Variants in STPG2 observed in about 807,000 individuals in gnomAD.
The protein encoded by STPG2 is sperm tail PG-rich repeat containing 2, also known as sperm-tail PG-rich repeat-containing protein 2.
In STPG2, 56 loss-of-function variants were observed where a neutral mutation model predicts 54.2. The observed-to-expected ratio is 1.03, with a 90% CI of 0.83 to 1.29. STPG2 has a LOEUF of 1.29. Ranked by LOEUF, STPG2 falls within the 50% of genes most tolerant of loss-of-function variation. The pLI is 0.00. For synonymous variants in STPG2, 200 were observed against 181.8 expected, an observed-to-expected ratio of 1.10 and a Z score of -0.81; for missense variants, 596 against 544.9, an observed-to-expected ratio of 1.09 and a Z score of -0.93.
chr4:97,936,193 T>C (rs1246316044), intron 8 of STPG2, among the ~76,000 whole-genome samples: 1 of 152,202 alleles, frequency 6.6e-6, no homozygotes, highest in Non-Finnish European at 1.5e-5. Context: ...GAGACTAGGA[T>C]TGCAACCCCT....
chr4:98,016,000 T>C (rs776771316), intron 5 of STPG2, among the ~76,000 whole-genome samples: 1 of 152,008 alleles, frequency 6.6e-6, no homozygotes, highest in Admixed American at 6.5e-5. Context: ...AAGTGGGAGA[T>C]GAACAATGAG....
At chr4:97,995,868 A>G (rs1195302417) in intron 5 of STPG2, among the ~76,000 whole-genome samples, 1 of 152,148 alleles carries the variant, frequency 6.6e-6, no homozygotes, top group Non-Finnish European at 1.5e-5. Flanking sequence ...GTGGGAGGTA[A>G]CTGGATAATG....
At position 98,064,833 on chromosome 4, in the gene STPG2, G is replaced by T. The variant is rs141708110; in HGVS notation, c.612+41120C>A. Among the ~76,000 whole-genome samples the T allele has an allele frequency of 4.3e-3, 646 of 150,754 alleles. 3 individuals are homozygous for T. The highest frequency in any genetic ancestry group is 0.025 in the South Asian group (118 of 4,766). On this transcript the variant is annotated intron_variant, in intron 5 of 10. Coordinates refer to ENST00000295268, the MANE Select transcript of STPG2 (RefSeq NM_174952.3). ...GATTCAACACATGATGACCTTATTA[G>T]ATAACAAAAAAACACAAAACATACA...
chr4:97,693,050 C>G (rs1341068288), intron 10 of STPG2, among the ~76,000 whole-genome samples: 1 of 151,764 alleles, frequency 6.6e-6, no homozygotes, highest in African/African-American at 2.4e-5. Flanking sequence ...ACAAGTAGCT[C>G]TAAACCTTGA....
chr4:97,966,706 G>A (rs1734111930), intron 7 of STPG2, among the ~76,000 whole-genome samples: 2 of 152,136 alleles, frequency 1.3e-5, no homozygotes, highest in African/African-American at 4.8e-5. Flanking sequence ...AGAAGAGACT[G>A]GGGGACAATA....
chr4:97,667,770 G>A (rs1444468642), intron 10 of STPG2, among the ~76,000 whole-genome samples: 1 of 152,060 alleles, frequency 6.6e-6, no homozygotes, highest in Non-Finnish European at 1.5e-5. Context: ...ATGATGGCAG[G>A]TGTCTACATT....
At chr4:97,567,850 A>G (rs1225914576) in intron 10 of STPG2, among the ~76,000 whole-genome samples, 1 of 152,176 alleles carries the variant, frequency 6.6e-6, no homozygotes, top group African/African-American at 2.4e-5. Flanking sequence ...ATAGGAGCAA[A>G]AGAATATATA....
At chr4:97,668,870 T>C (rs1722612495) in intron 10 of STPG2, among the ~76,000 whole-genome samples, 1 of 152,012 alleles carries the variant, frequency 6.6e-6, no homozygotes, top group African/African-American at 2.4e-5. Context: ...AAAATGAAAT[T>C]ATATAAAAAT....
intron 4 of STPG2, among the ~76,000 whole-genome samples, chr4:97,458,346 A>G (rs1729578788): frequency 6.6e-6 from 1 of 152,206 alleles, no homozygotes; most frequent in Non-Finnish European, 1.5e-5. Flanking sequence ...CATTTCGTTG[A>G]AATTATGATG....
intron 7 of STPG2, among the ~76,000 whole-genome samples, chr4:97,945,156 C>T (rs186677798): frequency 5.9e-5 from 9 of 152,172 alleles, no homozygotes; most frequent in Non-Finnish European, 1.2e-4. Context: ...GCACCCATCA[C>T]CCACGTAGTG....
chr4:97,937,932 A>T (rs1278758387), intron 8 of STPG2, among the ~76,000 whole-genome samples: 1 of 152,146 alleles, frequency 6.6e-6, no homozygotes, highest in Non-Finnish European at 1.5e-5. Context: ...GGTGTACTGC[A>T]CTTGGGGCAA....
At chr4:98,003,282 C>G (rs1735469831) in intron 5 of STPG2, among the ~76,000 whole-genome samples, 1 of 152,060 alleles carries the variant, frequency 6.6e-6, no homozygotes, top group African/African-American at 2.4e-5. Flanking sequence ...GAAGACAACA[C>G]TGACTACATT....
At chr4:97,571,049 T>C (rs1732587234) in intron 10 of STPG2, among the ~76,000 whole-genome samples, 1 of 152,116 alleles carries the variant, frequency 6.6e-6, no homozygotes, top group South Asian at 2.1e-4. Context: ...TAAAAATACA[T>C]GGTTAAAACA....
intron 3 of STPG2, among the ~76,000 whole-genome samples, chr4:98,111,515 G>A (rs3846443): frequency 0.4 from 60,081 of 151,840 alleles, 12,132 homozygotes; most frequent in Middle Eastern, 0.46. Context: ...AGAAGCTGGC[G>A]CACACTAAAA....
intron 8 of STPG2, among the ~76,000 whole-genome samples, chr4:97,940,223 T>C (rs1293281278): frequency 1.3e-5 from 2 of 152,178 alleles, no homozygotes; most frequent in Admixed American, 6.5e-5. Flanking sequence ...TCTAGGTGAC[T>C]TTAACATTCT....
chr4:97,922,917 T>C (rs975847680), intron 8 of STPG2, among the ~76,000 whole-genome samples: 9 of 152,234 alleles, frequency 5.9e-5, no homozygotes, highest in Admixed American at 5.9e-4. Context: ...ATTATTTTCC[T>C]TCTTTATACT....
At chr4:98,004,650 G>A (rs1257170964) in intron 5 of STPG2, among the ~76,000 whole-genome samples, 1 of 152,030 alleles carries the variant, frequency 6.6e-6, no homozygotes, top group East Asian at 1.9e-4. Flanking sequence ...CCCAACACCT[G>A]CTGTCATTTG....
At chr4:97,674,873 G>A (rs1722794629) in intron 10 of STPG2, among the ~76,000 whole-genome samples, 1 of 152,074 alleles carries the variant, frequency 6.6e-6, no homozygotes, top group South Asian at 2.1e-4. Context: ...CTATAAAAAA[G>A]CATTTGAAGG....
chr4:97,803,668 G>A (rs1727465118), intron 9 of STPG2, among the ~76,000 whole-genome samples: 1 of 152,150 alleles, frequency 6.6e-6, no homozygotes, highest in African/African-American at 2.4e-5. Context: ...AGCCTCCCGA[G>A]TAGCTGGGAC....
Sources: allele counts gnomAD v4.1 joint callset (sites outside exome capture counted in the v4.1 genomes callset), GRCh38; gene constraint gnomAD v4.1.1; transcripts MANE v1.5; gene names NCBI Gene and HGNC (gene_info 2026-07-23, HGNC 2026-07-21).